The following JMJD1C variants were observed in gnomAD, a reference collection of about 807,000 sequenced individuals.
The protein encoded by JMJD1C is jumonji domain containing 1C.
A neutral mutation model predicts 245.3 loss-of-function variants in JMJD1C; 31 were observed. The ratio of observed to expected loss-of-function variants is 0.13; its 90% CI spans 0.09 to 0.17. The LOEUF is 0.17. JMJD1C is among the 10% of genes least tolerant of loss of function. The probability of loss-of-function intolerance (pLI) is 1.00; values close to 1 mark genes in which losing one functional copy is unlikely to be tolerated. For synonymous variants in JMJD1C, 1,057 were observed against 1,017.4 expected, an observed-to-expected ratio of 1.04 and a Z score of -0.74; for missense variants, 2,691 against 3,000.2, an observed-to-expected ratio of 0.90 and a Z score of 2.41.
chr10:63,392,655 T>A (rs1231111901), intron 1 of JMJD1C, among the ~76,000 whole-genome samples: 1 of 151,256 alleles, frequency 6.6e-6, no homozygotes, highest in Non-Finnish European at 1.5e-5. Flanking sequence ...TGAAACCCCA[T>A]CTCTACTAAA....
In JMJD1C at chr10:63,191,099, T is replaced by C; in HGVS notation, c.6086A>G (p.Glu2029Gly). The C allele has an allele frequency of 6.2e-7, 1 of 1,609,436 alleles. No individual in the cohort carries two copies. Among genetic ancestry groups the C allele is most frequent in the Non-Finnish European group, 8.5e-7 (1 of 1,176,220 alleles). Residue 2029 changes from glutamate to glycine, a missense_variant, in exon 17 of 26, where the codon GAA becomes GGA. Coordinates refer to ENST00000399262, the MANE Select transcript of JMJD1C (RefSeq NM_032776.3). ...TTTAATTTGGTTTTCAAGGGTAAGT[T>C]CTTTGTTTTCTGAAATAGAAAATTT... is the stretch of plus-strand genomic sequence containing the variant. ...KAREEKKENK[E>G]LTLENQIKEE...
intron 2 of JMJD1C, among the ~76,000 whole-genome samples, chr10:63,379,587 A>C (rs1345559613): frequency 2.6e-5 from 4 of 152,212 alleles, no homozygotes; most frequent in Non-Finnish European, 4.4e-5. Context: ...TGATTTACTG[A>C]TTAACAAACC....
rs761326249 is a variant in JMJD1C, at chr10:63,521,543, A to G, written n.113+195T>C. On this transcript the variant is annotated intron_variant and non_coding_transcript_variant, in intron 1 of 3. Transcript: ENST00000633035. ...CGGACGTGGGGCCCAAGCCCCCGTG[A>G]AGATGGTGTCCTGGATGATCTCCAG... The G allele has an allele frequency of 9.2e-6, 13 of 1,415,250 alleles. 1 individual carries two copies. In the South Asian group the frequency reaches 1.5e-4, roughly 16 times the overall value. 87.7% of individuals were successfully genotyped at this position (1,415,250 alleles called of 1,614,324 possible).
At chr10:63,444,392 G>A (rs1423290649) in intron 1 of JMJD1C, among the ~76,000 whole-genome samples, 1 of 151,952 alleles carries the variant, frequency 6.6e-6, no homozygotes. Context: ...TCCTGCCTCA[G>A]CCTCCCGAGT....
intron 21 of JMJD1C, among the ~76,000 whole-genome samples, chr10:63,183,947 GAGA>G (rs1046980035): frequency 1.3e-5 from 2 of 152,096 alleles, no homozygotes; most frequent in Non-Finnish European, 2.9e-5. Context: ...TTCTTTTTTT[GAGA>G]AGGAGTCTCG....
intron 2 of JMJD1C, among the ~76,000 whole-genome samples, chr10:63,278,498 T>A (rs920598361): frequency 6.6e-6 from 1 of 151,422 alleles, no homozygotes; most frequent in Non-Finnish European, 1.5e-5. Context: ...CACTCTGGCC[T>A]GGGCGACAGA....
chr10:63,343,128 A>T (rs1943518681), intron 2 of JMJD1C, among the ~76,000 whole-genome samples: 1 of 152,118 alleles, frequency 6.6e-6, no homozygotes, highest in Non-Finnish European at 1.5e-5. Flanking sequence ...TTGGGAGGCC[A>T]AGATAGGCAG....
chr10:63,406,299 G>A lies in JMJD1C; in HGVS notation c.169-25817C>T, dbSNP rs75913231. On this transcript the variant is annotated intron_variant, in intron 1 of 25. Transcript: ENST00000399262. Reference sequence around the variant, plus strand: ...TGTGGAGCTTAACTAATCACAGGTCGGAATTAGGCATGTATGCATCTCCAA... The same window carrying A: ...TGTGGAGCTTAACTAATCACAGGTCAGAATTAGGCATGTATGCATCTCCAA... Among the ~76,000 whole-genome samples the A allele has an allele frequency of 1.7e-3, 258 of 152,162 alleles. 2 individuals are homozygous for A. In the East Asian group the frequency reaches 0.028, roughly 17 times the overall value.
chr10:63,420,262 G>A (rs1950044583), intron 1 of JMJD1C, among the ~76,000 whole-genome samples: 1 of 152,060 alleles, frequency 6.6e-6, no homozygotes, highest in African/African-American at 2.4e-5. Context: ...AAAACCAGCA[G>A]AATCAATAAA....
chr10:63,458,145 C>T (rs151211717), intron 1 of JMJD1C, among the ~76,000 whole-genome samples: 180 of 152,258 alleles, frequency 1.2e-3, no homozygotes, highest in Non-Finnish European at 2.0e-3. Context: ...ACTAAAAGTA[C>T]GTAATCCCTA....
intron 1 of JMJD1C, among the ~76,000 whole-genome samples, chr10:63,388,170 T>C (rs1207536993): frequency 6.6e-6 from 1 of 152,114 alleles, no homozygotes; most frequent in Non-Finnish European, 1.5e-5. Flanking sequence ...AAAAATATCT[T>C]TTCCAGAGCA....
At position 63,295,953 on chromosome 10, in the gene JMJD1C, ACG is replaced by A. The variant is rs1163317907; in HGVS notation, c.334-31191_334-31190del. On this transcript the variant is annotated intron_variant, in intron 2 of 25. Coordinates refer to ENST00000399262, the MANE Select transcript of JMJD1C (RefSeq NM_032776.3). ...CATGTGTATACATATATATATATAC[ACG>A]TATATGTGTGTGTGTGTGTGTGTGT... 4.3e-3 allele frequency among the ~76,000 whole-genome samples: 485 copies of A among 112,778 alleles called. 2 individuals are homozygous for A. The highest frequency in any genetic ancestry group is 5.8e-3 in the Non-Finnish European group (320 of 55,076). The allele number at this position is 112,778 out of a possible 152,430, so 74.0% of individuals were successfully genotyped here.
chr10:63,416,430 G>GC (rs1377728240), intron 1 of JMJD1C, among the ~76,000 whole-genome samples: 1 of 151,346 alleles, frequency 6.6e-6, no homozygotes, highest in Non-Finnish European at 1.5e-5. Flanking sequence ...TTTTATGCAT[G>GC]TTTTTCAATG....
chr10:63,438,436 C>G (rs374442896), intron 1 of JMJD1C, among the ~76,000 whole-genome samples: 1 of 152,114 alleles, frequency 6.6e-6, no homozygotes, highest in Non-Finnish European at 1.5e-5. Context: ...GCCTCCTAAC[C>G]GCTCTCCCTG....
chr10:63,185,218 C>T (rs1303888998), intron 20 of JMJD1C, among the ~76,000 whole-genome samples: 5 of 152,242 alleles, frequency 3.3e-5, no homozygotes, highest in African/African-American at 1.2e-4. Flanking sequence ...GCAGCCTCCA[C>T]TTCCTCCACT....
At chr10:63,298,472 T>TCAA (rs1042747540) in intron 2 of JMJD1C, among the ~76,000 whole-genome samples, 1 of 152,184 alleles carries the variant, frequency 6.6e-6, no homozygotes, top group Admixed American at 6.5e-5. Context: ...TCCCTGCCAA[T>TCAA]GTTGACACAT....
At chr10:63,325,528 T>G (rs1941403959) in intron 2 of JMJD1C, among the ~76,000 whole-genome samples, 1 of 152,164 alleles carries the variant, frequency 6.6e-6, no homozygotes, top group Non-Finnish European at 1.5e-5. Flanking sequence ...AGTGTTTAAA[T>G]AAGCAATGTC....
Position 63,465,807 on chromosome 10 carries a change from G to T in JMJD1C, c.-145C>A, listed in dbSNP as rs963689397. ...AGCGCAGACTCGGGACGAACCGGCC[G>T]CTCTGCCCCGGACACAGCGACCTCG... On this transcript the variant is annotated 5_prime_UTR_variant, in exon 1 of 26. Coordinates refer to ENST00000399262, the MANE Select transcript of JMJD1C (RefSeq NM_032776.3). 1 of 948,512 alleles carries T rather than the reference G, an allele frequency of 1.1e-6. No homozygotes were observed. Among genetic ancestry groups the T allele is most frequent in the South Asian group, 1.4e-5 (1 of 71,902 alleles). 58.8% of individuals were successfully genotyped at this position (948,512 alleles called of 1,614,324 possible).
At chr10:63,505,269 A>T (rs969542621) in intron 1 of JMJD1C, among the ~76,000 whole-genome samples, 8 of 150,308 alleles carry the variant, frequency 5.3e-5, no homozygotes, top group African/African-American at 2.0e-4. Flanking sequence ...GTGAGCCGAG[A>T]TCGCGCCACT....
Sources: allele counts gnomAD v4.1 joint callset (sites outside exome capture counted in the v4.1 genomes callset), GRCh38; gene constraint gnomAD v4.1.1; transcripts MANE v1.5; gene names NCBI Gene and HGNC (gene_info 2026-07-23, HGNC 2026-07-21).